The following ZC3H15 variants were observed in gnomAD, a reference collection of about 807,000 sequenced individuals.
ZC3H15 encodes zinc finger CCCH domain-containing protein 15.
In ZC3H15, 15 loss-of-function variants were observed where a neutral mutation model predicts 51.2. The observed-to-expected ratio is 0.29, with a 90% CI of 0.20 to 0.45. The LOEUF (loss-of-function observed/expected upper bound fraction) is 0.45, where lower values mean the gene tolerates loss of function less well. ZC3H15 is among the 20% of genes least tolerant of loss of function. ZC3H15 has a pLI of 1.00. For synonymous variants in ZC3H15, 144 were observed against 162.8 expected (o/e 0.88, Z 0.88); for missense variants, 381 against 494.7 (o/e 0.77, Z 2.18).
intron 1 of ZC3H15, among the ~76,000 whole-genome samples, chr2:186,491,293 A>G (rs1685195894): frequency 2.0e-5 from 3 of 152,146 alleles, no homozygotes; most frequent in African/African-American, 7.2e-5. Flanking sequence ...TGGCCCAGAC[A>G]AGGTTCTCAG....
chr2:186,486,329 C>G lies in ZC3H15; in HGVS notation c.-54C>G. On this transcript the variant is annotated 5_prime_UTR_variant, in exon 1 of 10. Transcript: ENST00000337859. Reference sequence around the variant, plus strand: ...TCCTCGTCCTGCCGCAGGGCCAGAACCCCTGACGGTATTCAGCTGCGCGTA... The same window carrying G: ...TCCTCGTCCTGCCGCAGGGCCAGAAGCCCTGACGGTATTCAGCTGCGCGTA... The G allele has an allele frequency of 6.7e-7, 1 of 1,486,086 alleles. No homozygotes were observed. Among genetic ancestry groups the G allele is most frequent in the Non-Finnish European group, 9.0e-7 (1 of 1,109,366 alleles). 92.1% of individuals were successfully genotyped at this position (1,486,086 alleles called of 1,614,324 possible). A position where few individuals can be genotyped will look rare whatever the true frequency, so the allele number is the denominator to read the frequency against.
chr2:186,486,369 C>T lies in ZC3H15; in HGVS notation c.-14C>T, dbSNP rs1365561412. 2.0e-6 allele frequency: 3 copies of T among 1,532,906 alleles called. No homozygotes were observed. The highest frequency in any genetic ancestry group is 2.6e-6 in the Non-Finnish European group (3 of 1,135,630). The allele number at this position is 1,532,906 out of a possible 1,614,324, so 95.0% of individuals were successfully genotyped here. A position where few individuals can be genotyped will look rare whatever the true frequency, so the allele number is the denominator to read the frequency against. ...AGCTGCGCGTAAGTCTGGCCGGTGC[C>T]ATCTGTCTCCGCAATGCCCCCCAAG... On this transcript the variant is annotated 5_prime_UTR_variant, in exon 1 of 10. Coordinates refer to ENST00000337859, the MANE Select transcript of ZC3H15 (RefSeq NM_018471.3).
chr2:186,494,243 G>C (rs367738827), intron 1 of ZC3H15, among the ~76,000 whole-genome samples: 2 of 152,024 alleles, frequency 1.3e-5, no homozygotes, highest in South Asian at 2.1e-4. Flanking sequence ...TAAAGAAAAT[G>C]TTGCTTTTAA....
chr2:186,486,275 C>A lies in ZC3H15; in HGVS notation c.-108C>A. Reference sequence around the variant, plus strand: ...GCCAATGAGCGACTCGCTTTCCGTGCGGTGCGGCGAGTGAGGCCCCGGTCT... The same window carrying A: ...GCCAATGAGCGACTCGCTTTCCGTGAGGTGCGGCGAGTGAGGCCCCGGTCT... On this transcript the variant is annotated 5_prime_UTR_variant, in exon 1 of 10. Coordinates refer to ENST00000337859, the MANE Select transcript of ZC3H15 (RefSeq NM_018471.3). 8.2e-7 allele frequency: 1 copy of A among 1,226,348 alleles called. No homozygotes were observed. Among genetic ancestry groups the A allele is most frequent in the Non-Finnish European group, 1.1e-6 (1 of 921,760 alleles). 76.0% of individuals were successfully genotyped at this position (1,226,348 alleles called of 1,614,324 possible). A position where few individuals can be genotyped will look rare whatever the true frequency, so the allele number is the denominator to read the frequency against.
At chr2:186,506,384 G>A (rs1376384486) in intron 8 of ZC3H15, among the ~76,000 whole-genome samples, 2 of 152,188 alleles carry the variant, frequency 1.3e-5, no homozygotes, top group East Asian at 1.9e-4. Flanking sequence ...TGATGGCAGA[G>A]GAAGAAGTTT....
At chr2:186,492,452 G>A (rs532002739) in intron 1 of ZC3H15, among the ~76,000 whole-genome samples, 39 of 152,298 alleles carry the variant, frequency 2.6e-4, no homozygotes, top group African/African-American at 8.9e-4. Flanking sequence ...CACATAGGCT[G>A]TAGAAAATTC....
rs547706091 is a variant in ZC3H15, at chr2:186,487,451, A to G, written c.75+994A>G. The G allele has an allele frequency of 2.4e-4, 37 of 152,302 alleles. 1 individual carries two copies. Among genetic ancestry groups the G allele is most frequent in the Admixed American group, 1.4e-3 (22 of 15,296 alleles). 9.4% of individuals were successfully genotyped at this position (152,302 alleles called of 1,614,324 possible). A position where few individuals can be genotyped will look rare whatever the true frequency, so the allele number is the denominator to read the frequency against. On this transcript the variant is annotated intron_variant, in intron 1 of 9. Coordinates refer to ENST00000337859, the MANE Select transcript of ZC3H15 (RefSeq NM_018471.3). ...GATATAATTAGAAAAAGCCATGACCATTTTACCGCATAAGGTGTAAAGTCT... is the reference window on the plus strand; with the variant it reads ...GATATAATTAGAAAAAGCCATGACCGTTTTACCGCATAAGGTGTAAAGTCT...
At position 186,486,272 on chromosome 2, in the gene ZC3H15, G is replaced by A; in HGVS notation, c.-111G>A. Reference sequence around the variant, plus strand: ...GGGGCCAATGAGCGACTCGCTTTCCGTGCGGTGCGGCGAGTGAGGCCCCGG... The same window carrying A: ...GGGGCCAATGAGCGACTCGCTTTCCATGCGGTGCGGCGAGTGAGGCCCCGG... On this transcript the variant is annotated 5_prime_UTR_variant, in exon 1 of 10. In the 5' UTR this introduces an upstream ATG that the reference lacks. Transcript: ENST00000337859. 2 of 1,223,412 alleles carry A rather than the reference G, an allele frequency of 1.6e-6. No homozygotes were observed. The highest frequency in any genetic ancestry group is 1.6e-5 in the African/African-American group (1 of 64,136). The allele number at this position is 1,223,412 out of a possible 1,614,324, so 75.8% of individuals were successfully genotyped here.
intron 4 of ZC3H15, among the ~76,000 whole-genome samples, chr2:186,501,990 A>G (rs7582052): frequency 0.66 from 100,670 of 151,830 alleles, 33,682 homozygotes; most frequent in Non-Finnish European, 0.71. Context: ...GATTACAGGC[A>G]TGAGCCACTG....
intron 8 of ZC3H15, 177 bp downstream of exon 8, chr2:186,506,018 T>G: frequency 1.4e-6 from 1 of 708,940 alleles, no homozygotes; most frequent in Non-Finnish European, 2.6e-6. Flanking sequence ...ACATAATGAT[T>G]ATCTCTACAT....
At chr2:186,487,723 A>G (rs1234989439) in intron 1 of ZC3H15, among the ~76,000 whole-genome samples, 1 of 152,228 alleles carries the variant, frequency 6.6e-6, no homozygotes, top group Non-Finnish European at 1.5e-5. Context: ...ATTCACTTTT[A>G]TGAAAACCAA....
At chr2:186,490,785 C>T (rs1307045020) in intron 1 of ZC3H15, among the ~76,000 whole-genome samples, 1 of 152,146 alleles carries the variant, frequency 6.6e-6, no homozygotes, top group Non-Finnish European at 1.5e-5. Context: ...CTGGAATTTA[C>T]TGAGTGTTAA....
rs188110681 is a variant in ZC3H15, at chr2:186,508,709, A to G, written c.1257A>G (p.Leu419=). ...GEDLDELEEE[L]NTLDLEE ...ATTTGGATGAACTAGAAGAAGAATT[A>G]AATACACTTGATTTAGAAGAATGAC... Residue 419 remains leucine, a synonymous_variant, in exon 10 of 10, where the codon TTA becomes TTG. Transcript: ENST00000337859. The G allele has an allele frequency of 6.6e-5, 107 of 1,614,038 alleles. No individual in the cohort carries two copies. The highest frequency in any genetic ancestry group is 1.1e-5 in the Non-Finnish European group (13 of 1,179,952).
rs1685516934 is a variant in ZC3H15 at position 186,509,256 on chromosome 2, C to G, written c.*523C>G. 4.8e-6 allele frequency: 1 copy of G among 207,366 alleles called. No individual in the cohort carries two copies. Among genetic ancestry groups the G allele is most frequent in the Non-Finnish European group, 9.9e-6 (1 of 101,122 alleles). 12.8% of individuals were successfully genotyped at this position (207,366 alleles called of 1,614,324 possible). A position where few individuals can be genotyped will look rare whatever the true frequency, so the allele number is the denominator to read the frequency against. Reference sequence around the variant, plus strand: ...ACATTTAAAATGGAACTTCTTTTATCTGACAGGATCAGCTACAATGCCCTG... The same window carrying G: ...ACATTTAAAATGGAACTTCTTTTATGTGACAGGATCAGCTACAATGCCCTG... On this transcript the variant is annotated 3_prime_UTR_variant, in exon 10 of 10. Transcript: ENST00000337859.
In ZC3H15 at chr2:186,504,066, A is replaced by G. The variant is rs958919384; in HGVS notation, c.569A>G (p.Asn190Ser). The G allele has an allele frequency of 3.7e-6, 6 of 1,602,622 alleles. No homozygotes were observed. Among genetic ancestry groups the G allele is most frequent in the Non-Finnish European group, 4.3e-6 (5 of 1,175,254 alleles). Residue 190 changes from asparagine to serine, a missense_variant, in exon 6 of 10, where the codon AAC becomes AGC. Coordinates refer to ENST00000337859, the MANE Select transcript of ZC3H15 (RefSeq NM_018471.3). Reference protein sequence around the residue: ...CKHFLEAIENNKYGWFWVCPG... With the variant: ...CKHFLEAIENSKYGWFWVCPG... Reference sequence around the variant, plus strand: ...CATTTCCTGGAAGCTATTGAAAACAACAAGTATGGCTGGTTTTGGGTATGC... The same window carrying G: ...CATTTCCTGGAAGCTATTGAAAACAGCAAGTATGGCTGGTTTTGGGTATGC...
chr2:186,500,170 G>A lies in ZC3H15; in HGVS notation c.178-12G>A. The A allele has an allele frequency of 1.9e-6, 3 of 1,583,640 alleles. No homozygotes were observed. The highest frequency in any genetic ancestry group is 2.3e-5 in the South Asian group (2 of 85,140). ...CAATCAAATTTACATTTTAAACCTG[G>A]GAATATTATAGGTAGCACAGAGTGA... On this transcript the variant is annotated splice_polypyrimidine_tract_variant and intron_variant, in intron 2 of 9. Coordinates refer to ENST00000337859, the MANE Select transcript of ZC3H15 (RefSeq NM_018471.3).
At chr2:186,486,682 G>T (rs971348137) in intron 1 of ZC3H15, among the ~76,000 whole-genome samples, 29 of 152,132 alleles carry the variant, frequency 1.9e-4, no homozygotes, top group African/African-American at 7.0e-4. Context: ...CCGCCCACAC[G>T]CCCGTGTTCA....
intron 2 of ZC3H15, among the ~76,000 whole-genome samples, chr2:186,497,891 G>A (rs1334922376): frequency 1.3e-5 from 2 of 152,076 alleles, no homozygotes; most frequent in African/African-American, 2.4e-5. Flanking sequence ...ATATAACATC[G>A]GAAATGAGCA....
At chr2:186,498,842 TTGTTACC>T (rs1685330329) in intron 2 of ZC3H15, among the ~76,000 whole-genome samples, 1 of 152,214 alleles carries the variant, frequency 6.6e-6, no homozygotes, top group South Asian at 2.1e-4. Context: ...AAAGTTTTAA[TTGTTACC>T]TGTAAGCTGC....
Sources: allele counts gnomAD v4.1 joint callset (sites outside exome capture counted in the v4.1 genomes callset), GRCh38; gene constraint gnomAD v4.1.1; transcripts MANE v1.5; gene names NCBI Gene and HGNC (gene_info 2026-07-23, HGNC 2026-07-21).